Variants in CDC25C observed in about 807,000 individuals in gnomAD.
CDC25C encodes the protein M-phase inducer phosphatase 3.
In CDC25C, 48 loss-of-function variants were observed where a neutral mutation model predicts 52.5. The observed-to-expected ratio is 0.91, with a 90% confidence interval of 0.72 to 1.16. The LOEUF (loss-of-function observed/expected upper bound fraction) is 1.16, where lower values mean the gene tolerates loss of function less well. Among genes scored for constraint, CDC25C ranks in the 50% most tolerant of loss-of-function variants. CDC25C has a pLI of 0.00. For synonymous variants in CDC25C, 187 were observed against 206.5 expected, an observed-to-expected ratio of 0.91 and a Z score of 0.81; for missense variants, 510 against 566.1, an observed-to-expected ratio of 0.90 and a Z score of 1.01.
At chr5:138,290,445 G>A (rs747708672) in intron 9 of CDC25C, among the ~76,000 whole-genome samples, 194 bp downstream of exon 9, 5 of 152,084 alleles carry the variant, frequency 3.3e-5, no homozygotes, top group Non-Finnish European at 5.9e-5. Context: ...CCCCTGTTCT[G>A]GATCTTCCCA....
At chr5:138,291,767 T>C (rs1257336444) in intron 8 of CDC25C, among the ~76,000 whole-genome samples, 4 of 146,962 alleles carry the variant, frequency 2.7e-5, no homozygotes, top group Non-Finnish European at 1.5e-5. Flanking sequence ...TATGTATCTA[T>C]GTTATATAAA....
rs888235123 is a variant in CDC25C at position 138,319,073 on chromosome 5, G to C, written c.615+146C>G. On this transcript the variant is annotated intron_variant, in intron 7 of 13. Coordinates refer to ENST00000323760, the MANE Select transcript of CDC25C (RefSeq NM_001790.5). Reference sequence around the variant, plus strand: ...CCACATGGCAAACTGGAGTTTTACTGAACATGTTCTGGCTATGAGGGTTGC... The same window carrying C: ...CCACATGGCAAACTGGAGTTTTACTCAACATGTTCTGGCTATGAGGGTTGC... The C allele has an allele frequency of 1.5e-4, 97 of 651,674 alleles. 1 individual carries two copies. The African/African-American group carries it at 1.5e-3, about 10-fold the overall frequency. The allele number at this position is 651,674 out of a possible 1,614,324, so 40.4% of individuals were successfully genotyped here.
intron 7 of CDC25C, among the ~76,000 whole-genome samples, chr5:138,316,207 C>A (rs939132497): frequency 2.6e-5 from 4 of 152,218 alleles, no homozygotes; most frequent in African/African-American, 9.6e-5. Flanking sequence ...GGCCTCCCCA[C>A]CACCCCCATA....
At chr5:138,304,660 C>T (rs978925005) in intron 7 of CDC25C, among the ~76,000 whole-genome samples, 1 of 151,998 alleles carries the variant, frequency 6.6e-6, no homozygotes, top group Non-Finnish European at 1.5e-5. Flanking sequence ...CATGCACTAC[C>T]ACATGCAACT....
chr5:138,329,598 T>C lies in CDC25C; in HGVS notation c.244A>G (p.Ile82Val), dbSNP rs1760175209. ...LDLSNLSSGE[I>V]TATQLTTSAD... is the part of the protein sequence containing the mutation. ...GAAGTGGTAAGCTGAGTGGCAGTTA[T>C]CTCCCCACTGCTAAGATTCGAAAGA... The change falls in exon 3 of 14, where the codon ATA becomes GTA. Residue 82 changes from isoleucine to valine, a missense_variant. Physicochemically the swap from Ile to Val is conservative, Grantham distance 29 (BLOSUM62 3). Coordinates refer to ENST00000323760, the MANE Select transcript of CDC25C (RefSeq NM_001790.5). The C allele has an allele frequency of 2.5e-6, 4 of 1,613,596 alleles. No homozygotes were observed. Among genetic ancestry groups the C allele is most frequent in the Admixed American group, 1.7e-5 (1 of 59,966 alleles).
At chr5:138,297,991 G>A (rs1404145729) in intron 7 of CDC25C, among the ~76,000 whole-genome samples, 1 of 151,528 alleles carries the variant, frequency 6.6e-6, no homozygotes, top group African/African-American at 2.4e-5. Flanking sequence ...GCCACATTTA[G>A]TATGGTACCT....
upstream of CDC25C, among the ~76,000 whole-genome samples, chr5:138,334,722 C>G (rs1483329528): frequency 6.6e-6 from 1 of 152,228 alleles, no homozygotes; most frequent in Non-Finnish European, 1.5e-5. Flanking sequence ...ACTATCTCCT[C>G]ATGATTCCAG....
chr5:138,315,942 C>G (rs1758835574), intron 7 of CDC25C, among the ~76,000 whole-genome samples: 1 of 152,216 alleles, frequency 6.6e-6, no homozygotes, highest in South Asian at 2.1e-4. Flanking sequence ...GGGGCAGGAG[C>G]TCCCCTGGTG....
chr5:138,333,814 A>G (rs532150437), upstream of CDC25C: 1 of 152,350 alleles, frequency 6.6e-6, no homozygotes, highest in African/African-American at 2.4e-5. Context: ...TGATGGAAAT[A>G]TACTAAAATC....
chr5:138,313,096 G>C (rs1037976570), intron 7 of CDC25C, among the ~76,000 whole-genome samples: 2 of 151,950 alleles, frequency 1.3e-5, no homozygotes, highest in Non-Finnish European at 2.9e-5. Flanking sequence ...TCTGCTTGGG[G>C]GCCAGGTGCA....
chr5:138,296,560 G>A (rs575898093), intron 7 of CDC25C, among the ~76,000 whole-genome samples: 16 of 151,340 alleles, frequency 1.1e-4, no homozygotes, highest in African/African-American at 3.9e-4. Flanking sequence ...ACAAACATGC[G>A]CCATCATGCC....
chr5:138,318,630 G>A (rs1258625586), intron 7 of CDC25C, among the ~76,000 whole-genome samples: 5 of 151,086 alleles, frequency 3.3e-5, no homozygotes, highest in Non-Finnish European at 5.9e-5. Context: ...CAGGAGAATC[G>A]CTTGAACCTG....
chr5:138,334,332 T>C (rs1760581997), upstream of CDC25C, among the ~76,000 whole-genome samples: 1 of 152,102 alleles, frequency 6.6e-6, no homozygotes. Flanking sequence ...CTGGGCAACA[T>C]AGTGAGACTG....
exon 1 of CDC25C, chr5:138,338,167 G>A (rs889849064): frequency 9.2e-5 from 119 of 1,289,642 alleles, no homozygotes; most frequent in Non-Finnish European, 1.2e-4. Flanking sequence ...GGTGGCTTGG[G>A]GGGATTCTGC....
chr5:138,338,163 T>C, exon 1 of CDC25C: 1 of 1,289,648 alleles, frequency 7.8e-7, no homozygotes, highest in Non-Finnish European at 1.0e-6. Context: ...CATGGGTGGC[T>C]TGGGGGGATT....
Position 138,285,623 on chromosome 5 carries a change from G to T in CDC25C, c.*69C>A. On this transcript the variant is annotated 3_prime_UTR_variant, in exon 14 of 14. Transcript: ENST00000323760. ...AATCTTGGGTTTGGCCATCCAGAAG[G>T]CCTCTTTCTGCTCAGGGTTTCTGCA... is the stretch of plus-strand genomic sequence containing the variant. 3 of 1,445,084 alleles carry T rather than the reference G, an allele frequency of 2.1e-6. No individual in the cohort carries two copies. In the South Asian group the frequency reaches 3.6e-5, roughly 18 times the overall value. The allele number at this position is 1,445,084 out of a possible 1,614,324, so 89.5% of individuals were successfully genotyped here.
chr5:138,307,187 T>G (rs1348120369), intron 7 of CDC25C, among the ~76,000 whole-genome samples: 2 of 151,994 alleles, frequency 1.3e-5, no homozygotes, highest in African/African-American at 4.8e-5. Flanking sequence ...ATGCATATTC[T>G]TATAGGATGG....
intron 10 of CDC25C, among the ~76,000 whole-genome samples, chr5:138,288,236 C>G (rs186963882): frequency 8.0e-4 from 122 of 152,182 alleles, no homozygotes; most frequent in Non-Finnish European, 1.4e-3. Context: ...CTACCACACC[C>G]AGCTAATTTT....
rs183215037 is a variant in CDC25C, at chr5:138,313,538, A to C, written c.615+5681T>G. 1.7e-4 allele frequency among the ~76,000 whole-genome samples: 26 copies of C among 152,264 alleles called. 1 individual carries two copies. The East Asian group carries it at 4.8e-3, about 28-fold the overall frequency. On this transcript the variant is annotated intron_variant, in intron 7 of 13. Transcript: ENST00000323760. ...ATTGTAAATTTTGTTTTACCATAACAAAAAATGTATAAAAAGAATTAATAT... is the reference window on the plus strand; with the variant it reads ...ATTGTAAATTTTGTTTTACCATAACCAAAAATGTATAAAAAGAATTAATAT...
Sources: allele counts gnomAD v4.1 joint callset (sites outside exome capture counted in the v4.1 genomes callset), GRCh38; gene constraint gnomAD v4.1.1; transcripts MANE v1.5; gene names NCBI Gene and HGNC (gene_info 2026-07-23, HGNC 2026-07-21).